Variants in SYTL5 observed in about 807,000 individuals in gnomAD.
The protein encoded by SYTL5 is synaptotagmin-like protein 5.
A neutral mutation model predicts 55.9 loss-of-function variants in SYTL5; 34 were observed. The observed-to-expected ratio is 0.61, with a 90% confidence interval of 0.46 to 0.81. The LOEUF (loss-of-function observed/expected upper bound fraction) is 0.81. SYTL5 is among the 30% of genes least tolerant of loss of function. The probability of loss-of-function intolerance (pLI) is 0.00; values close to 1 mark genes in which losing one functional copy is unlikely to be tolerated. For synonymous variants in SYTL5, 221 were observed against 188.7 expected, an observed-to-expected ratio of 1.17 and a Z score of -1.40; for missense variants, 637 against 546.7, an observed-to-expected ratio of 1.17 and a Z score of -1.65.
the SYTL5 span, among the ~76,000 whole-genome samples, chrX:37,937,647 G>C: frequency 9.8e-5 from 11 of 111,998 alleles, no homozygotes; most frequent in African/African-American, 2.6e-4. Context: ...CAACTGTGAG[G>C]TACTAAATGA....
At chrX:38,061,709 C>T (rs2024917) in intron 3 of SYTL5, among the ~76,000 whole-genome samples, 32,439 of 110,586 alleles carry the variant, frequency 0.29, 3,932 homozygotes, top group African/African-American at 0.42. Context: ...CTTCTGATTC[C>T]AACAAGTTGG....
intron 3 of SYTL5, among the ~76,000 whole-genome samples, chrX:38,065,572 G>T (rs1936075570): frequency 8.9e-6 from 1 of 111,871 alleles, no homozygotes; most frequent in Admixed American, 9.5e-5. Context: ...TGGTTCTTTT[G>T]TAGGTTTCCT....
At chrX:38,090,573 CTT>C (rs1331895413) in intron 7 of SYTL5, among the ~76,000 whole-genome samples, 1 of 112,095 alleles carries the variant, frequency 8.9e-6, no homozygotes, top group Non-Finnish European at 1.9e-5. Context: ...TTTGATAAAT[CTT>C]TATATGAGCA....
chrX:37,925,850 A>G, the SYTL5 span, among the ~76,000 whole-genome samples: 5 of 111,737 alleles, frequency 4.5e-5, no homozygotes, highest in African/African-American at 1.6e-4. Context: ...GTGAGAACAT[A>G]TGATATTTGG....
chrX:38,127,365 G>A lies in SYTL5; in HGVS notation c.*635G>A, dbSNP rs1336906027. The A allele has an allele frequency of 8.9e-6, 1 of 112,197 alleles. No individual in the cohort carries two copies. Among genetic ancestry groups the A allele is most frequent in the Non-Finnish European group, 1.9e-5 (1 of 53,221 alleles). The allele number at this position is 112,197 out of a possible 1,213,427, so 9.2% of individuals were successfully genotyped here. On this transcript the variant is annotated 3_prime_UTR_variant, in exon 17 of 17. Transcript: ENST00000297875. ...AAATAACTACATCAGAACGATTGAT[G>A]TTGATTAGAATTGACCTGGGAAAAT...
chrX:38,068,954 G>C (rs1210262341), intron 3 of SYTL5, among the ~76,000 whole-genome samples: 1 of 111,372 alleles, frequency 9.0e-6, no homozygotes, highest in African/African-American at 3.3e-5. Flanking sequence ...CCTATTTATA[G>C]ACCCTGAAAT....
At chrX:38,068,111 G>A (rs141089315) in intron 3 of SYTL5, among the ~76,000 whole-genome samples, 108 of 111,635 alleles carry the variant, frequency 9.7e-4, no homozygotes, top group African/African-American at 3.1e-3. Flanking sequence ...TTAAAAGTGG[G>A]CAAAGGACAT....
chrX:38,024,531 G>T (rs1934686711), intron 1 of SYTL5, among the ~76,000 whole-genome samples: 1 of 111,104 alleles, frequency 9.0e-6, no homozygotes, highest in Non-Finnish European at 1.9e-5. Flanking sequence ...CATCTCATGG[G>T]ATACTGTTGT....
the SYTL5 span, among the ~76,000 whole-genome samples, chrX:37,890,458 G>A: frequency 8.9e-6 from 1 of 111,739 alleles, no homozygotes; most frequent in Non-Finnish European, 1.9e-5. Flanking sequence ...GGATTGGTCT[G>A]GCAATAATAT....
At chrX:37,984,432 G>A in the SYTL5 span, among the ~76,000 whole-genome samples, 1 of 111,772 alleles carries the variant, frequency 8.9e-6, no homozygotes, top group African/African-American at 3.2e-5. Context: ...ACTGACTCAA[G>A]AAGAAATAGA....
chrX:37,956,262 T>G, the SYTL5 span, among the ~76,000 whole-genome samples: 2 of 112,030 alleles, frequency 1.8e-5, no homozygotes, highest in African/African-American at 6.5e-5. Flanking sequence ...TTTAATTAAT[T>G]AGATAATTAA....
In SYTL5 at chrX:38,110,443, T is replaced by C; in HGVS notation, c.1557T>C (p.Phe519=). Residue 519 remains phenylalanine (F), a synonymous_variant, in exon 13 of 17, where the codon TTT becomes TTC. Transcript: ENST00000297875. The part of the protein sequence containing the change: ...EVEIPFDSWN[F]ENPTDEWFVL... ...AGATTCCTTTTGACTCATGGAACTT[T>C]GAAAATCCAACTGATGAGTGGTTTG... is the stretch of plus-strand genomic sequence containing the variant. 1 of 1,207,896 alleles carries C rather than the reference T, an allele frequency of 8.3e-7. No individual in the cohort carries two copies. Among genetic ancestry groups the C allele is most frequent in the South Asian group, 1.8e-5 (1 of 56,105 alleles).
At chrX:37,965,936 C>T in the SYTL5 span, among the ~76,000 whole-genome samples, 2 of 112,057 alleles carry the variant, frequency 1.8e-5, no homozygotes, top group Admixed American at 1.9e-4. Context: ...TCTTGATTAC[C>T]ATTTGCACAG....
chrX:37,899,472 G>C, the SYTL5 span, among the ~76,000 whole-genome samples: 1 of 112,093 alleles, frequency 8.9e-6, no homozygotes, highest in Non-Finnish European at 1.9e-5. Context: ...AGAAATTTAA[G>C]TGCTTTGTTC....
At chrX:37,940,511 G>C in the SYTL5 span, among the ~76,000 whole-genome samples, 26 of 105,589 alleles carry the variant, frequency 2.5e-4, no homozygotes, top group African/African-American at 8.6e-4. Flanking sequence ...AGGGTTCCCA[G>C]TGATCTCGTT....
At chrX:37,970,214 G>A in the SYTL5 span, among the ~76,000 whole-genome samples, 4 of 110,939 alleles carry the variant, frequency 3.6e-5, no homozygotes, top group Middle Eastern at 4.7e-3. Context: ...ACCTTACTAC[G>A]ACTTATGTAG....
At chrX:38,108,489 T>G in intron 11 of SYTL5, 111 bp from the exon 12 acceptor site, 1 of 517,541 alleles carries the variant, frequency 1.9e-6, no homozygotes, top group Admixed American at 3.3e-5. Context: ...TCTTTGGTAT[T>G]TCCGCTCATG....
the SYTL5 span, among the ~76,000 whole-genome samples, chrX:37,893,464 AATAT>A: frequency 1.1e-5 from 1 of 94,998 alleles, no homozygotes; most frequent in Non-Finnish European, 2.0e-5. Context: ...ATCTATATAT[AATAT>A]ATAGTTAGTA....
the SYTL5 span, among the ~76,000 whole-genome samples, chrX:37,913,875 A>G: frequency 8.9e-6 from 1 of 111,845 alleles, no homozygotes; most frequent in Non-Finnish European, 1.9e-5. Flanking sequence ...TCCTACTTCT[A>G]TTCCCTAGTA....
Sources: gnomAD v4.1 joint callset for allele counts (sites outside exome capture counted in the v4.1 genomes callset) on GRCh38, gnomAD v4.1.1 for gene constraint, MANE v1.5 for transcripts, NCBI Gene and HGNC (gene_info 2026-07-23, HGNC 2026-07-21) for gene names.